NAALADL2: variants seen among roughly 807,000 people sequenced by gnomAD.
The protein encoded by NAALADL2 is N-acetylated alpha-linked acidic dipeptidase like 2.
Under a neutral mutation model 87.2 loss-of-function variants are expected in NAALADL2, and 76 were observed. That is an observed-to-expected ratio of 0.87 (90% confidence interval 0.72 to 1.05). The LOEUF (loss-of-function observed/expected upper bound fraction) is 1.05, where lower values mean the gene tolerates loss of function less well. Among genes scored for constraint, NAALADL2 ranks in the 50% least tolerant of loss-of-function variants. The pLI, the probability that NAALADL2 is intolerant of heterozygous loss-of-function variation, is 0.00. For synonymous variants in NAALADL2, 354 were observed against 331.0 expected (o/e 1.07, Z -0.75); for missense variants, 1,089 against 945.8 (o/e 1.15, Z -1.99).
chr3:175,727,967 C>G (rs1743161700), intron 11 of NAALADL2, among the ~76,000 whole-genome samples: 1 of 152,072 alleles, frequency 6.6e-6, no homozygotes, highest in Admixed American at 6.6e-5. Flanking sequence ...TTAAAATTTT[C>G]CTTGCTAGTT....
intron 9 of NAALADL2, among the ~76,000 whole-genome samples, chr3:175,503,609 T>G (rs909443982): frequency 6.6e-6 from 1 of 152,330 alleles, no homozygotes; most frequent in Non-Finnish European, 1.5e-5. Context: ...TTTTGACTTC[T>G]TAATAATAGC....
chr3:175,214,120 G>A (rs1000588731), intron 2 of NAALADL2, among the ~76,000 whole-genome samples: 10 of 152,226 alleles, frequency 6.6e-5, no homozygotes, highest in African/African-American at 2.4e-4. Flanking sequence ...AACAAATGAA[G>A]ATATTTGGAG....
intron 2 of NAALADL2, among the ~76,000 whole-genome samples, chr3:174,678,173 C>G (rs943030704): frequency 3.3e-5 from 5 of 152,120 alleles, no homozygotes; most frequent in Admixed American, 1.3e-4. Flanking sequence ...CACACACTAC[C>G]TTGCATGAGA....
chr3:175,109,608 G>A (rs1723833991), intron 2 of NAALADL2, among the ~76,000 whole-genome samples: 1 of 151,814 alleles, frequency 6.6e-6, no homozygotes, highest in Non-Finnish European at 1.5e-5. Context: ...AGGTATCTAG[G>A]TGATTATTTG....
At chr3:175,151,167 C>T (rs908691788) in intron 2 of NAALADL2, among the ~76,000 whole-genome samples, 1 of 152,198 alleles carries the variant, frequency 6.6e-6, no homozygotes, top group East Asian at 1.9e-4. Context: ...GTCCCAGAGA[C>T]TGTGAGATCT....
intron 2 of NAALADL2, among the ~76,000 whole-genome samples, chr3:174,703,461 A>G: frequency 6.6e-6 from 1 of 152,152 alleles, no homozygotes; most frequent in South Asian, 2.1e-4. Context: ...ATTTGGACTG[A>G]CTAGTTTCCT....
intron 5 of NAALADL2, among the ~76,000 whole-genome samples, chr3:175,352,163 C>T (rs1289256403): frequency 8.5e-6 from 1 of 117,290 alleles, no homozygotes; most frequent in Non-Finnish European, 1.7e-5. Context: ...AGGAGACTGG[C>T]TTGGATTTTT....
intron 1 of NAALADL2, among the ~76,000 whole-genome samples, chr3:175,080,262 C>T (rs1717540006): frequency 6.6e-6 from 1 of 152,188 alleles, no homozygotes; most frequent in Non-Finnish European, 1.5e-5. Flanking sequence ...CTGTGCCCGG[C>T]GAACTATAGA....
chr3:174,853,595 A>G (rs931274218), intron 3 of NAALADL2, among the ~76,000 whole-genome samples: 5 of 152,110 alleles, frequency 3.3e-5, no homozygotes, highest in African/African-American at 1.2e-4. Flanking sequence ...AACTGAAGAT[A>G]CAGCCCACAG....
At chr3:175,280,321 C>T (rs1276997767) in intron 4 of NAALADL2, among the ~76,000 whole-genome samples, 1 of 151,978 alleles carries the variant, frequency 6.6e-6, no homozygotes, top group Non-Finnish European at 1.5e-5. Context: ...TTGAAAAGAC[C>T]AAGGAGAAGG....
At chr3:174,984,559 T>C (rs1347802326) in intron 1 of NAALADL2, among the ~76,000 whole-genome samples, 1 of 152,214 alleles carries the variant, frequency 6.6e-6, no homozygotes, top group Admixed American at 6.5e-5. Context: ...CCTAGGAATC[T>C]GTTTTAAAAA....
chr3:174,643,940 C>G (rs959208894), intron 2 of NAALADL2, among the ~76,000 whole-genome samples: 1 of 152,118 alleles, frequency 6.6e-6, no homozygotes, highest in Admixed American at 6.6e-5. Context: ...TATTATGTTA[C>G]GGATAGTGGA....
chr3:174,741,541 A>C (rs1474486213), intron 3 of NAALADL2, among the ~76,000 whole-genome samples: 1 of 151,598 alleles, frequency 6.6e-6, no homozygotes, highest in African/African-American at 2.4e-5. Flanking sequence ...ATTTTTAAGA[A>C]TCTTCTGTCC....
At chr3:174,996,712 G>A (rs145630199) in intron 1 of NAALADL2, among the ~76,000 whole-genome samples, 146 of 152,006 alleles carry the variant, frequency 9.6e-4, no homozygotes, top group African/African-American at 3.2e-3. Flanking sequence ...TTGTGGTGAC[G>A]TCTGAGATCT....
At chr3:175,127,988 G>A (rs1187847871) in intron 2 of NAALADL2, among the ~76,000 whole-genome samples, 1 of 152,084 alleles carries the variant, frequency 6.6e-6, no homozygotes, top group Non-Finnish European at 1.5e-5. Context: ...ACTTTTATGA[G>A]TTTTCCTTTA....
At chr3:174,737,368 T>C (rs1733325393) in intron 2 of NAALADL2, among the ~76,000 whole-genome samples, 1 of 152,244 alleles carries the variant, frequency 6.6e-6, no homozygotes, top group Non-Finnish European at 1.5e-5. Flanking sequence ...GCCGAATTGA[T>C]TGAAATGTAA....
chr3:175,468,235 G>T (rs1349641482), intron 8 of NAALADL2, among the ~76,000 whole-genome samples: 1 of 152,086 alleles, frequency 6.6e-6, no homozygotes, highest in African/African-American at 2.4e-5. Flanking sequence ...AATTCATCAA[G>T]ATTCACACAC....
chr3:175,113,744 T>G (rs890063438), intron 2 of NAALADL2, among the ~76,000 whole-genome samples: 1 of 151,580 alleles, frequency 6.6e-6, no homozygotes, highest in Non-Finnish European at 1.5e-5. Flanking sequence ...AACTTGTGCT[T>G]AAGGATCCCC....
intron 11 of NAALADL2, among the ~76,000 whole-genome samples, chr3:175,712,785 GC>G (rs1330405437): frequency 6.6e-6 from 1 of 152,002 alleles, no homozygotes; most frequent in Non-Finnish European, 1.5e-5. Context: ...TTGTTCATAA[GC>G]CACCAAGTTT....
Sources: allele counts gnomAD v4.1 joint callset (sites outside exome capture counted in the v4.1 genomes callset), GRCh38; gene constraint gnomAD v4.1.1; transcripts MANE v1.5; gene names NCBI Gene and HGNC (gene_info 2026-07-23, HGNC 2026-07-21).